PLXNA2: variants seen among roughly 807,000 people sequenced by gnomAD.
PLXNA2 encodes the protein plexin A2.
A neutral mutation model predicts 193.5 loss-of-function variants in PLXNA2; 91 were observed. The observed-to-expected ratio is 0.47, with a 90% CI of 0.40 to 0.56. The LOEUF (loss-of-function observed/expected upper bound fraction) is 0.56. Among genes scored for constraint, PLXNA2 ranks in the 20% least tolerant of loss-of-function variants. The pLI is 0.00. For synonymous variants in PLXNA2, 997 were observed against 1,027.3 expected (o/e 0.97, Z 0.56); for missense variants, 1,995 against 2,503.2 (o/e 0.80, Z 4.33).
In PLXNA2 at chr1:208,028,766, G is replaced by A. The variant is rs954097716; in HGVS notation, c.5438+64C>T. The A allele has an allele frequency of 6.9e-7, 1 of 1,446,594 alleles. No individual in the cohort carries two copies. The highest frequency in any genetic ancestry group is 9.6e-7 in the Non-Finnish European group (1 of 1,047,064). 89.6% of individuals were successfully genotyped at this position (1,446,594 alleles called of 1,614,324 possible). ...GTCGTCTGAGTCCTTAGTCAGTGAT[G>A]ACTATAGAGCGGGGAATGGGCAGGG... On this transcript the variant is annotated intron_variant, in intron 30 of 31. Coordinates refer to ENST00000367033, the MANE Select transcript of PLXNA2 (RefSeq NM_025179.4). The surrounding 1 kb of genome is among the most constrained non-coding windows in gnomAD (Gnocchi z 4.2).
chr1:208,083,615 C>T (rs183355662), intron 10 of PLXNA2, among the ~76,000 whole-genome samples: 9 of 152,062 alleles, frequency 5.9e-5, no homozygotes, highest in African/African-American at 9.7e-5. Context: ...CTCTCCCAGG[C>T]GAATTAGCTT....
chr1:208,132,909 A>G (rs1668201340), intron 4 of PLXNA2, among the ~76,000 whole-genome samples: 1 of 152,222 alleles, frequency 6.6e-6, no homozygotes, highest in East Asian at 1.9e-4. Flanking sequence ...AACTTGCCCA[A>G]GGTCACATGG....
At chr1:208,142,610 C>T in intron 3 of PLXNA2, 147 bp from the exon 4 acceptor site, 1 of 733,768 alleles carries the variant, frequency 1.4e-6, no homozygotes, top group Non-Finnish European at 2.1e-6. Flanking sequence ...TTCTTTTAAA[C>T]AGCCCAATTT....
At chr1:208,136,396 C>T (rs1571955928) in intron 4 of PLXNA2, among the ~76,000 whole-genome samples, 1 of 152,312 alleles carries the variant, frequency 6.6e-6, no homozygotes, top group East Asian at 1.9e-4. Flanking sequence ...TGTTCACTAC[C>T]TGGAGAGTGG....
intron 4 of PLXNA2, among the ~76,000 whole-genome samples, chr1:208,105,238 T>C (rs1018010801): frequency 5.3e-5 from 8 of 152,206 alleles, no homozygotes; most frequent in Non-Finnish European, 7.3e-5. Flanking sequence ...AAAGTAGTCA[T>C]GCAGGCTGTT....
rs2102387727 is a variant in PLXNA2, at chr1:208,082,837, C to T, written c.2299-329G>A. On this transcript the variant is annotated intron_variant, in intron 10 of 31. Coordinates refer to ENST00000367033, the MANE Select transcript of PLXNA2 (RefSeq NM_025179.4). This position sits in a 1 kb window ranked among gnomAD's most constrained non-coding sequence, Gnocchi z 4.2. ...AAGGAATGCAACCGTCTCCCTACAA[C>T]CTCCATCCTTTTAACCCACCCGTAT... Among the ~76,000 whole-genome samples, 1 of 152,256 alleles carries T rather than the reference C, an allele frequency of 6.6e-6. No homozygotes were observed. The highest frequency in any genetic ancestry group is 2.1e-4 in the South Asian group (1 of 4,828).
Position 208,052,333 on chromosome 1 carries a change from A to G in PLXNA2, c.2987T>C (p.Phe996Ser). ...CCCTTCAAGTTTATCTCACCCGTAG[A>G]ACTCGCAGGTCTGGTTGCCCAGGTA... ...AVYLGNQTCE[F>S]YGRSMSEIVC... is the part of the protein sequence containing the mutation. The change falls in exon 15 of 32, where the codon TTC becomes TCC. Residue 996 changes from phenylalanine (F) to serine (S), a missense_variant. This residue lies in a region of PLXNA2 where 1,291 missense variants were observed against 1,673.6 expected (regional missense o/e 0.77). Coordinates refer to ENST00000367033, the MANE Select transcript of PLXNA2 (RefSeq NM_025179.4). 3.1e-6 allele frequency: 5 copies of G among 1,612,864 alleles called. No individual in the cohort carries two copies. The highest frequency in any genetic ancestry group is 4.2e-6 in the Non-Finnish European group (5 of 1,180,006).
chr1:208,146,920 A>C (rs1558215446), intron 3 of PLXNA2, among the ~76,000 whole-genome samples: 1 of 152,300 alleles, frequency 6.6e-6, no homozygotes, highest in East Asian at 1.9e-4. Context: ...TGCAGAAGCT[A>C]CTGGGGCTAT....
intron 21 of PLXNA2, 33 bp downstream of exon 21, chr1:208,043,028 G>T: frequency 6.2e-7 from 1 of 1,610,422 alleles, no homozygotes; most frequent in South Asian, 1.1e-5. Flanking sequence ...CTGCATCCCT[G>T]CTGGGTGGCT....
chr1:208,079,138 C>A, intron 12 of PLXNA2, 122 bp downstream of exon 12: 1 of 801,560 alleles, frequency 1.2e-6, no homozygotes, highest in East Asian at 2.6e-5. Context: ...CTACACCCCC[C>A]CACATTAAAC....
At chr1:208,206,992 G>GT (rs1436926994) in intron 3 of PLXNA2, among the ~76,000 whole-genome samples, 10 of 151,910 alleles carry the variant, frequency 6.6e-5, no homozygotes, top group Admixed American at 6.6e-4. Flanking sequence ...TCAAACTCTT[G>GT]TTTTTGTTTT....
At chr1:208,191,801 G>A (rs1670190031) in intron 3 of PLXNA2, among the ~76,000 whole-genome samples, 2 of 152,216 alleles carry the variant, frequency 1.3e-5, no homozygotes, top group South Asian at 4.1e-4. Context: ...GCACATGGGG[G>A]CTTCCTAGAG....
intron 1 of PLXNA2, among the ~76,000 whole-genome samples, chr1:208,218,422 T>G (rs758938015): frequency 4.6e-5 from 7 of 152,162 alleles, no homozygotes; most frequent in Non-Finnish European, 1.0e-4. Flanking sequence ...GAAAGCTTGT[T>G]AGGCAGGCCC....
intron 12 of PLXNA2, among the ~76,000 whole-genome samples, chr1:208,076,133 T>A (rs1283773086): frequency 6.6e-6 from 1 of 151,456 alleles, no homozygotes; most frequent in African/African-American, 2.4e-5. Flanking sequence ...AATGGCATGA[T>A]CATAGTTCAC....
intron 3 of PLXNA2, among the ~76,000 whole-genome samples, chr1:208,203,625 C>T (rs754347240): frequency 3.3e-5 from 5 of 152,152 alleles, no homozygotes; most frequent in Non-Finnish European, 7.4e-5. Context: ...CTCCACCCCA[C>T]GAGAGGAGCC....
chr1:208,043,468 A>T (rs1664946566), intron 20 of PLXNA2, among the ~76,000 whole-genome samples: 1 of 144,382 alleles, frequency 6.9e-6, no homozygotes, highest in Admixed American at 7.8e-5. Context: ...TTCAACAAGG[A>T]AAAAAAAGTA....
At chr1:208,053,306 G>C (rs1042672143) in intron 14 of PLXNA2, among the ~76,000 whole-genome samples, 1 of 152,204 alleles carries the variant, frequency 6.6e-6, no homozygotes. Context: ...GGGTGGGCTA[G>C]GTTATCTCTA....
At position 208,034,593 on chromosome 1, in the gene PLXNA2, C is replaced by G. The variant is rs1327696737; in HGVS notation, c.4765-1G>C. On this transcript the variant is annotated splice_acceptor_variant, in intron 26 of 31. Coordinates refer to ENST00000367033, the MANE Select transcript of PLXNA2 (RefSeq NM_025179.4). LOFTEE classifies it high-confidence loss of function. The stretch of plus-strand genomic sequence containing the variant: ...GAGCCACCACCGACCTGTCTGACAC[C>G]TGAGAAGGGTACAAAAGGTACAGTA... 1 of 1,597,220 alleles carries G rather than the reference C, an allele frequency of 6.3e-7. No homozygotes were observed. The highest frequency in any genetic ancestry group is 1.7e-5 in the Admixed American group (1 of 60,006).
chr1:208,037,259 C>G, intron 26 of PLXNA2, among the ~76,000 whole-genome samples: 1 of 152,182 alleles, frequency 6.6e-6, no homozygotes, highest in East Asian at 1.9e-4. Flanking sequence ...CCCATTACAC[C>G]ACACTCATGT....
Sources: allele counts gnomAD v4.1 joint callset (sites outside exome capture counted in the v4.1 genomes callset), GRCh38; gene constraint gnomAD v4.1.1; regional missense constraint gnomAD v4.1.1; non-coding constraint Gnocchi (gnomAD v3.1); transcripts MANE v1.5; gene names NCBI Gene and HGNC (gene_info 2026-07-23, HGNC 2026-07-21).